Variants in SPATA17 observed in about 807,000 individuals in gnomAD.
The protein encoded by SPATA17 is spermatogenesis-associated protein 17.
SPATA17 carries 53 observed loss-of-function variants against 62.2 expected under a neutral mutation model. The observed-to-expected ratio is 0.85, with a 90% CI of 0.68 to 1.07. The LOEUF (loss-of-function observed/expected upper bound fraction) is 1.07, where lower values mean the gene tolerates loss of function less well. SPATA17 is among the 50% of genes least tolerant of loss of function. The pLI is 0.00. For missense variants in SPATA17, 466 were observed against 425.5 expected (o/e 1.10, Z -0.84); for synonymous variants, 146 against 146.8 (o/e 0.99, Z 0.04).
intron 5 of SPATA17, among the ~76,000 whole-genome samples, chr1:217,712,701 C>A (rs959104412): frequency 2.0e-5 from 3 of 152,036 alleles, no homozygotes; most frequent in Non-Finnish European, 4.4e-5. Flanking sequence ...TCATAGCATA[C>A]TATTTTATTA....
intron 1 of SPATA17, among the ~76,000 whole-genome samples, chr1:217,642,685 TAA>T (rs1307370392): frequency 6.6e-6 from 1 of 152,192 alleles, no homozygotes; most frequent in East Asian, 1.9e-4. Flanking sequence ...GATGGTTTTA[TAA>T]GTGTCTGACA....
rs75104403 is a variant in SPATA17 at position 217,860,750 on chromosome 1, T to G, written c.1006-2024T>G. On this transcript the variant is annotated intron_variant, in intron 9 of 10. Transcript: ENST00000366933. ...GTTTTCACATTAAAAGTGAGTTTCA[T>G]GTCGACGACATATAGTTGGTTCTTC... Among the ~76,000 whole-genome samples, 999 of 152,278 alleles carry G rather than the reference T, an allele frequency of 6.6e-3. 5 individuals are homozygous for G. The highest frequency in any genetic ancestry group is 0.01 in the Non-Finnish European group (689 of 68,006).
chr1:217,809,128 GAC>G (rs1006565646), intron 9 of SPATA17, among the ~76,000 whole-genome samples: 2 of 152,108 alleles, frequency 1.3e-5, no homozygotes, highest in African/African-American at 4.8e-5. Context: ...ATTTTTTAAG[GAC>G]ATTATAAATA....
At chr1:217,693,638 A>C (rs1317056832) in intron 5 of SPATA17, among the ~76,000 whole-genome samples, 1 of 49,562 alleles carries the variant, frequency 2.0e-5, no homozygotes, top group South Asian at 1.1e-3. Context: ...TAGTGCTATA[A>C]ATTTCCCTCT....
At chr1:217,835,716 C>A (rs1675247392) in intron 9 of SPATA17, among the ~76,000 whole-genome samples, 1 of 151,870 alleles carries the variant, frequency 6.6e-6, no homozygotes, top group African/African-American at 2.4e-5. Flanking sequence ...AGGCTAGGAG[C>A]AGGAGAGGAG....
chr1:217,834,194 C>A (rs1182475763), intron 9 of SPATA17, among the ~76,000 whole-genome samples: 1 of 151,918 alleles, frequency 6.6e-6, no homozygotes, highest in Non-Finnish European at 1.5e-5. Flanking sequence ...GCTTTACCAG[C>A]CATATAAAAG....
intron 9 of SPATA17, among the ~76,000 whole-genome samples, chr1:217,855,353 T>C (rs777483577): frequency 7.9e-5 from 12 of 152,188 alleles, no homozygotes; most frequent in Admixed American, 3.3e-4. Flanking sequence ...ATAAAACCAC[T>C]AACAGGCTAC....
chr1:217,689,382 C>T (rs975713775), intron 5 of SPATA17, among the ~76,000 whole-genome samples: 5 of 151,804 alleles, frequency 3.3e-5, no homozygotes, highest in South Asian at 2.1e-4. Flanking sequence ...TGTGCCACCA[C>T]GCCCGGCTAA....
chr1:217,748,482 G>T (rs1040245931), intron 6 of SPATA17, among the ~76,000 whole-genome samples: 7 of 151,686 alleles, frequency 4.6e-5, no homozygotes, highest in African/African-American at 1.5e-4. Context: ...AGTGGCTCAC[G>T]CCTGTAACCC....
At chr1:217,751,035 C>G (rs1672893515) in intron 6 of SPATA17, among the ~76,000 whole-genome samples, 1 of 152,180 alleles carries the variant, frequency 6.6e-6, no homozygotes, top group African/African-American at 2.4e-5. Flanking sequence ...TTATGACTGT[C>G]CAGCCATCCT....
chr1:217,735,590 T>C (rs546389997), intron 5 of SPATA17, among the ~76,000 whole-genome samples: 1 of 152,226 alleles, frequency 6.6e-6, no homozygotes, highest in South Asian at 2.1e-4. Flanking sequence ...CCTACAACTA[T>C]AATGTGTTGC....
chr1:217,754,734 G>A (rs1299442681), intron 6 of SPATA17, among the ~76,000 whole-genome samples: 1 of 152,034 alleles, frequency 6.6e-6, no homozygotes, highest in African/African-American at 2.4e-5. Context: ...GTATCTGGCA[G>A]CCAGATTTTA....
chr1:217,731,662 C>G (rs1438883560), intron 5 of SPATA17, among the ~76,000 whole-genome samples: 1 of 152,066 alleles, frequency 6.6e-6, no homozygotes, highest in Non-Finnish European at 1.5e-5. Context: ...CCTAGAGGTT[C>G]TAGAAACATG....
At chr1:217,859,043 A>T (rs1161655658) in intron 9 of SPATA17, among the ~76,000 whole-genome samples, 1 of 149,504 alleles carries the variant, frequency 6.7e-6, no homozygotes, top group African/African-American at 2.4e-5. Flanking sequence ...ATAAATAAAT[A>T]AAATAAAATA....
At chr1:217,786,750 T>TTTCTTCTTCTTCCTCTTCTTCTTC (rs1446756516) in intron 8 of SPATA17, among the ~76,000 whole-genome samples, 7 of 107,550 alleles carry the variant, frequency 6.5e-5, no homozygotes, top group African/African-American at 2.1e-4. Flanking sequence ...TGATATTCTC[T>TTTCTTCTTCTTCCTCTTCTTCTTC]TTCTTCTTCT....
At chr1:217,857,258 C>G (rs1256401994) in intron 9 of SPATA17, among the ~76,000 whole-genome samples, 1 of 152,110 alleles carries the variant, frequency 6.6e-6, no homozygotes, top group Non-Finnish European at 1.5e-5. Context: ...GTGCAGCTGC[C>G]AACCTAAAGT....
chr1:217,739,819 C>T (rs1191768669), intron 5 of SPATA17, among the ~76,000 whole-genome samples: 1 of 152,078 alleles, frequency 6.6e-6, no homozygotes, highest in Non-Finnish European at 1.5e-5. Context: ...TCCACACACA[C>T]TCAAATATTA....
chr1:217,732,789 G>C (rs1672429226), intron 5 of SPATA17, among the ~76,000 whole-genome samples: 1 of 111,834 alleles, frequency 8.9e-6, no homozygotes, highest in Admixed American at 8.2e-5. Flanking sequence ...TTGGAGCCCT[G>C]AAAATAATGT....
chr1:217,798,323 CATT>C (rs1479180569), intron 8 of SPATA17, among the ~76,000 whole-genome samples: 3 of 152,080 alleles, frequency 2.0e-5, no homozygotes, highest in Non-Finnish European at 4.4e-5. Context: ...TCTGTTATCT[CATT>C]ATATTTTCTT....
Sources: allele counts gnomAD v4.1 joint callset (sites outside exome capture counted in the v4.1 genomes callset), GRCh38; gene constraint gnomAD v4.1.1; transcripts MANE v1.5; gene names NCBI Gene and HGNC (gene_info 2026-07-23, HGNC 2026-07-21).